The following NAALADL2 variants were observed in gnomAD, a reference collection of about 807,000 sequenced individuals.
NAALADL2 encodes the protein N-acetylated alpha-linked acidic dipeptidase like 2.
NAALADL2 carries 76 observed loss-of-function variants against 87.2 expected under a neutral mutation model. The ratio of observed to expected loss-of-function variants is 0.87; its 90% CI spans 0.72 to 1.05. NAALADL2 has a LOEUF of 1.05. NAALADL2 is among the 50% of genes least tolerant of loss of function. The pLI is 0.00. For synonymous variants in NAALADL2, 354 were observed against 331.0 expected, an observed-to-expected ratio of 1.07 and a Z score of -0.75; for missense variants, 1,089 against 945.8, an observed-to-expected ratio of 1.15 and a Z score of -1.99.
intron 1 of NAALADL2, among the ~76,000 whole-genome samples, chr3:174,491,008 C>T (rs1718158037): frequency 6.6e-6 from 1 of 152,006 alleles, no homozygotes; most frequent in Admixed American, 6.6e-5. Flanking sequence ...CTATTGTCAG[C>T]AAGAATGAGT....
In NAALADL2 at chr3:175,630,958, A is replaced by C. The variant is rs114987074; in HGVS notation, c.1896+3572A>C. Among the ~76,000 whole-genome samples, 1,443 of 151,720 alleles carry C rather than the reference A, an allele frequency of 9.5e-3. 23 individuals are homozygous for C. Among genetic ancestry groups the C allele is most frequent in the African/African-American group, 0.031 (1,306 of 41,512 alleles). On this transcript the variant is annotated intron_variant, in intron 11 of 13. Transcript: ENST00000454872. ...AAACTAGAAGTAATTGAAATTCTGA[A>C]GATACTATTTTTTATTTCTCCCAAT...
At chr3:174,859,306 T>C, upstream of NAALADL2, 6 of 828,048 alleles carry the variant, frequency 7.2e-6, no homozygotes, top group Non-Finnish European at 1.2e-5. Context: ...GCAGGTAGTA[T>C]ACTGTTACAA....
chr3:175,209,273 A>G (rs537165639), intron 2 of NAALADL2, among the ~76,000 whole-genome samples: 2 of 152,226 alleles, frequency 1.3e-5, no homozygotes, highest in Admixed American at 6.5e-5. Context: ...TGCTGAAGAT[A>G]AAAGCAGAAA....
At chr3:174,897,806 T>G (rs961111705) in intron 1 of NAALADL2, among the ~76,000 whole-genome samples, 30 of 152,088 alleles carry the variant, frequency 2.0e-4, no homozygotes, top group African/African-American at 6.8e-4. Flanking sequence ...TGGAGTCCTA[T>G]TCAGCCATAA....
At chr3:174,761,090 T>C (rs989249329) in intron 3 of NAALADL2, among the ~76,000 whole-genome samples, 11 of 152,200 alleles carry the variant, frequency 7.2e-5, no homozygotes, top group African/African-American at 2.7e-4. Context: ...CTGTAGTCTA[T>C]TCCCTAGTCT....
chr3:175,400,000 A>G (rs572354762), intron 5 of NAALADL2, among the ~76,000 whole-genome samples: 7 of 152,240 alleles, frequency 4.6e-5, no homozygotes, highest in African/African-American at 1.7e-4. Context: ...CAGACATCAA[A>G]CATGTTGAGA....
At chr3:175,529,522 C>T (rs1487607286) in intron 9 of NAALADL2, among the ~76,000 whole-genome samples, 1 of 152,154 alleles carries the variant, frequency 6.6e-6, no homozygotes, top group Non-Finnish European at 1.5e-5. Context: ...ATATATTGGA[C>T]ACTGAATAAG....
chr3:175,199,852 ATATATATATATATTTTTTTTTTTTTTT>A (rs1157252326), intron 2 of NAALADL2, among the ~76,000 whole-genome samples: 8 of 18,322 alleles, frequency 4.4e-4, no homozygotes, highest in Admixed American at 7.5e-4. Context: ...ATATATATAT[ATATATATATATATTTTTTTTTTTTTTT>A]TTTTTTTTTT....
intron 6 of NAALADL2, among the ~76,000 whole-genome samples, chr3:175,460,812 C>G (rs140864402): frequency 4.2e-4 from 64 of 152,200 alleles, no homozygotes; most frequent in African/African-American, 1.5e-3. Context: ...TGATCATGTT[C>G]CCAAAGAGGC....
At chr3:175,308,692 C>T (rs917176543) in intron 4 of NAALADL2, among the ~76,000 whole-genome samples, 1 of 152,038 alleles carries the variant, frequency 6.6e-6, no homozygotes, top group Non-Finnish European at 1.5e-5. Context: ...AATAGGGATG[C>T]CTTTCTGGAC....
chr3:175,401,571 T>A lies in NAALADL2; in HGVS notation c.1091-45658T>A, dbSNP rs899019717. ...TATAGCCTAACACACACCAGGGCTA[T>A]AGGTATAGCCTATTGCTCCTAGGCT... On this transcript the variant is annotated intron_variant, in intron 5 of 13. Coordinates refer to ENST00000454872, the MANE Select transcript of NAALADL2 (RefSeq NM_207015.3). Among the ~76,000 whole-genome samples, 38 of 152,248 alleles carry A rather than the reference T, an allele frequency of 2.5e-4. 1 individual carries two copies. The highest frequency in any genetic ancestry group is 2.2e-3 in the Admixed American group (33 of 15,262).
At chr3:175,346,533 T>A (rs189430064) in intron 5 of NAALADL2, among the ~76,000 whole-genome samples, 306 of 152,270 alleles carry the variant, frequency 2.0e-3, no homozygotes, top group Admixed American at 4.4e-3. Context: ...CAGTGAAAAT[T>A]AGGGTTTGAC....
intron 11 of NAALADL2, among the ~76,000 whole-genome samples, chr3:175,674,480 G>A (rs1023453818): frequency 6.6e-6 from 1 of 151,904 alleles, no homozygotes; most frequent in African/African-American, 2.4e-5. Context: ...TAGCCAGGAC[G>A]GTCTTGATCT....
At chr3:175,520,346 C>T (rs945749054) in intron 9 of NAALADL2, among the ~76,000 whole-genome samples, 7 of 134,350 alleles carry the variant, frequency 5.2e-5, no homozygotes, top group African/African-American at 1.7e-4. Context: ...GGCCAGACTG[C>T]GGACTGCAGT....
intron 1 of NAALADL2, among the ~76,000 whole-genome samples, chr3:174,912,256 C>G (rs1733798979): frequency 6.6e-6 from 1 of 151,988 alleles, no homozygotes; most frequent in African/African-American, 2.4e-5. Context: ...AACCTGACTA[C>G]TAAAGTCATC....
chr3:174,517,299 A>G (rs73882413), intron 1 of NAALADL2, among the ~76,000 whole-genome samples: 2,122 of 152,196 alleles, frequency 0.014, 47 homozygotes, highest in African/African-American at 0.049. Flanking sequence ...TTGCCAAAAT[A>G]AAGCATTATG....
intron 3 of NAALADL2, among the ~76,000 whole-genome samples, chr3:174,799,054 C>G (rs192815118): frequency 1.3e-5 from 2 of 151,638 alleles, no homozygotes; most frequent in Non-Finnish European, 1.5e-5. Flanking sequence ...CTTGTAATCT[C>G]AGTTATTTGT....
chr3:175,685,853 A>G (rs1165943203), intron 11 of NAALADL2, among the ~76,000 whole-genome samples: 1 of 152,164 alleles, frequency 6.6e-6, no homozygotes, highest in Non-Finnish European at 1.5e-5. Context: ...AACTGATTGT[A>G]TGAGGCCCAC....
chr3:175,355,455 C>A (rs1312281788), intron 5 of NAALADL2, among the ~76,000 whole-genome samples: 1 of 152,124 alleles, frequency 6.6e-6, no homozygotes, highest in Non-Finnish European at 1.5e-5. Context: ...ATTGTAGGCA[C>A]TGTGGAAGAC....
Sources: gnomAD v4.1 joint callset for allele counts (sites outside exome capture counted in the v4.1 genomes callset) on GRCh38, gnomAD v4.1.1 for gene constraint, MANE v1.5 for transcripts, NCBI Gene and HGNC (gene_info 2026-07-23, HGNC 2026-07-21) for gene names.